The following CTNND2 variants were observed in gnomAD, a reference collection of about 807,000 sequenced individuals.
CTNND2 encodes the protein catenin delta 2.
A neutral mutation model predicts 144.4 loss-of-function variants in CTNND2; 22 were observed. The observed-to-expected ratio is 0.15, with a 90% CI of 0.11 to 0.22. The LOEUF is 0.22. Ranked by LOEUF, CTNND2 falls within the 10% of genes least tolerant of loss-of-function variation. The probability of loss-of-function intolerance (pLI) is 1.00; values close to 1 mark genes in which losing one functional copy is unlikely to be tolerated. For synonymous variants in CTNND2, 751 were observed against 695.6 expected, an observed-to-expected ratio of 1.08 and a Z score of -1.25; for missense variants, 1,353 against 1,618.8, an observed-to-expected ratio of 0.84 and a Z score of 2.82.
chr5:11,063,717 G>A (rs2149599607), intron 16 of CTNND2, among the ~76,000 whole-genome samples: 1 of 151,734 alleles, frequency 6.6e-6, no homozygotes, highest in African/African-American at 2.4e-5. Context: ...ATATTTAAAA[G>A]AGGGATGTGT....
At chr5:11,395,274 T>C (rs941765637) in intron 6 of CTNND2, among the ~76,000 whole-genome samples, 7 of 152,234 alleles carry the variant, frequency 4.6e-5, no homozygotes, top group East Asian at 1.9e-4. Flanking sequence ...ATCCCTTTCA[T>C]ACTTCAGCAC....
chr5:11,861,909 C>T (rs970879662), intron 1 of CTNND2, among the ~76,000 whole-genome samples: 2 of 152,188 alleles, frequency 1.3e-5, no homozygotes, highest in African/African-American at 4.8e-5. Flanking sequence ...GCTCCCATCC[C>T]TATCTTGTTG....
intron 16 of CTNND2, among the ~76,000 whole-genome samples, chr5:11,065,884 T>C (rs1747515595): frequency 6.6e-6 from 1 of 152,186 alleles, no homozygotes; most frequent in East Asian, 1.9e-4. Context: ...TCTGCTAACA[T>C]AACTAGATCT....
intron 12 of CTNND2, among the ~76,000 whole-genome samples, chr5:11,121,773 A>G (rs1485373913): frequency 6.6e-6 from 1 of 152,182 alleles, no homozygotes; most frequent in Non-Finnish European, 1.5e-5. Flanking sequence ...GGCATTTTCC[A>G]TGAAAGATGT....
intron 1 of CTNND2, among the ~76,000 whole-genome samples, chr5:11,805,295 T>C (rs1294335357): frequency 1.3e-5 from 2 of 152,174 alleles, no homozygotes; most frequent in Admixed American, 6.5e-5. Flanking sequence ...GTAATGTATA[T>C]ACTCAGATTA....
chr5:11,885,292 C>G (rs1018137633), intron 1 of CTNND2, among the ~76,000 whole-genome samples: 2 of 152,060 alleles, frequency 1.3e-5, no homozygotes, highest in Admixed American at 6.5e-5. Context: ...ATCCTGAACT[C>G]TTCTGTTTTG....
At chr5:11,760,757 A>T (rs1789211959) in intron 1 of CTNND2, among the ~76,000 whole-genome samples, 1 of 151,134 alleles carries the variant, frequency 6.6e-6, no homozygotes, top group Admixed American at 6.6e-5. Context: ...GAACACATGT[A>T]CAATTAAGTT....
At chr5:11,360,678 A>G (rs1411919154) in intron 8 of CTNND2, among the ~76,000 whole-genome samples, 2 of 152,154 alleles carry the variant, frequency 1.3e-5, no homozygotes, top group East Asian at 1.9e-4. Flanking sequence ...GGGCAACTCA[A>G]TCCCTCATTT....
chr5:11,362,226 CT>C (rs1202957752), intron 8 of CTNND2, among the ~76,000 whole-genome samples: 4 of 152,104 alleles, frequency 2.6e-5, no homozygotes, highest in African/African-American at 9.7e-5. Context: ...TTTACGGCTA[CT>C]GGATAACTAT....
Position 11,687,368 on chromosome 5 carries a change from A to C in CTNND2, c.174+44768T>G, listed in dbSNP as rs148558409. Among the ~76,000 whole-genome samples the C allele has an allele frequency of 3.9e-3, 587 of 152,284 alleles. 2 individuals are homozygous for C. Among genetic ancestry groups the C allele is most frequent in the African/African-American group, 0.013 (527 of 41,566 alleles). ...ATTCCTTGCACTGCCTCCCACAGTC[A>C]TTTCCAGGGCCCCAGATAAAGCATG... On this transcript the variant is annotated intron_variant, in intron 2 of 21. Transcript: ENST00000304623.
At chr5:11,650,219 C>T (rs546115098) in intron 2 of CTNND2, among the ~76,000 whole-genome samples, 1 of 152,284 alleles carries the variant, frequency 6.6e-6, no homozygotes, top group South Asian at 2.1e-4. Context: ...GCAACCCCTC[C>T]TCCTTCACTC....
intron 7 of CTNND2, among the ~76,000 whole-genome samples, chr5:11,367,072 T>C (rs1435113752): frequency 3.3e-5 from 5 of 152,238 alleles, no homozygotes; most frequent in South Asian, 2.1e-4. Context: ...CTTTTTTACA[T>C]ATTAGAGGGC....
At chr5:11,275,161 A>C (rs1746401745) in intron 9 of CTNND2, among the ~76,000 whole-genome samples, 1 of 152,196 alleles carries the variant, frequency 6.6e-6, no homozygotes, top group Non-Finnish European at 1.5e-5. Context: ...AAATCACTTT[A>C]TTTAATTCTC....
intron 3 of CTNND2, among the ~76,000 whole-genome samples, chr5:11,542,020 G>A (rs111934492): frequency 2.6e-4 from 40 of 151,610 alleles, no homozygotes; most frequent in African/African-American, 7.8e-4. Flanking sequence ...TTTTGTCCCC[G>A]TAGGGACATC....
chr5:11,255,953 T>C (rs1396373433), intron 9 of CTNND2, among the ~76,000 whole-genome samples: 1 of 152,148 alleles, frequency 6.6e-6, no homozygotes, highest in African/African-American at 2.4e-5. Context: ...AACCCCAGCA[T>C]TTTACTGACC....
At chr5:11,699,605 A>G (rs967109117) in intron 2 of CTNND2, among the ~76,000 whole-genome samples, 1 of 152,162 alleles carries the variant, frequency 6.6e-6, no homozygotes, top group Admixed American at 6.5e-5. Context: ...TGCAGAGAAA[A>G]GGGCCGAGAT....
chr5:11,159,812 T>C, intron 11 of CTNND2, 53 bp from the exon 12 acceptor site: 1 of 1,386,708 alleles, frequency 7.2e-7, no homozygotes, highest in Non-Finnish European at 9.8e-7. Flanking sequence ...TTTTCTCATC[T>C]CCAAAACTGT....
chr5:11,270,659 T>A (rs927853145), intron 9 of CTNND2, among the ~76,000 whole-genome samples: 3 of 152,162 alleles, frequency 2.0e-5, no homozygotes, highest in Non-Finnish European at 2.9e-5. Flanking sequence ...TTAGAAAGGA[T>A]CAAGCTCTTT....
intron 2 of CTNND2, among the ~76,000 whole-genome samples, chr5:11,729,692 T>C (rs148511941): frequency 6.6e-6 from 1 of 152,328 alleles, no homozygotes; most frequent in Non-Finnish European, 1.5e-5. Context: ...TTCTACAGAA[T>C]ATATATCTAA....
Sources: allele counts gnomAD v4.1 joint callset (sites outside exome capture counted in the v4.1 genomes callset), GRCh38; gene constraint gnomAD v4.1.1; transcripts MANE v1.5; gene names NCBI Gene and HGNC (gene_info 2026-07-23, HGNC 2026-07-21).